The following TBC1D32 variants were observed in gnomAD, a reference collection of about 807,000 sequenced individuals.
TBC1D32 encodes protein broad-minded.
In TBC1D32, 151 loss-of-function variants were observed where a neutral mutation model predicts 170.3. The ratio of observed to expected loss-of-function variants is 0.89; its 90% confidence interval spans 0.78 to 1.01. TBC1D32 has a LOEUF of 1.01. TBC1D32 is among the 50% of genes least tolerant of loss of function. The pLI, the probability that TBC1D32 is intolerant of heterozygous loss-of-function variation, is 0.00. For synonymous variants in TBC1D32, 498 were observed against 488.0 expected (o/e 1.02, Z -0.27); for missense variants, 1,464 against 1,457.1 (o/e 1.00, Z -0.08).
chr6:121,296,644 C>T lies in TBC1D32; in HGVS notation c.1141-1984G>A, dbSNP rs544802121. ...CCATTTATCCCAATTCTGTCTTATC[C>T]TTCTTCCATGGTTCCATCATCTTTT... On this transcript the variant is annotated intron_variant, in intron 10 of 31. Transcript: ENST00000398212. 8.5e-5 allele frequency among the ~76,000 whole-genome samples: 13 copies of T among 152,156 alleles called. 1 individual carries two copies. The East Asian group carries it at 2.1e-3, about 25-fold the overall frequency.
At chr6:121,159,341 A>G (rs1024871420) in intron 24 of TBC1D32, among the ~76,000 whole-genome samples, 1 of 152,218 alleles carries the variant, frequency 6.6e-6, no homozygotes, top group African/African-American at 2.4e-5. Flanking sequence ...AGCACATAGC[A>G]GTTACTAAAA....
intron 21 of TBC1D32, among the ~76,000 whole-genome samples, chr6:121,215,886 C>CT (rs1793759614): frequency 6.6e-6 from 1 of 152,164 alleles, no homozygotes. Context: ...AAAGAGAACA[C>CT]TTATGCACTA....
At chr6:121,198,172 C>T (rs1025066545) in intron 22 of TBC1D32, among the ~76,000 whole-genome samples, 12 of 138,192 alleles carry the variant, frequency 8.7e-5, no homozygotes, top group Non-Finnish European at 1.1e-4. Flanking sequence ...AATATATATA[C>T]ACATATCCCT....
intron 16 of TBC1D32, 143 bp downstream of exon 16, chr6:121,255,941 A>G: frequency 8.4e-6 from 6 of 711,642 alleles, no homozygotes; most frequent in Non-Finnish European, 1.4e-5. Flanking sequence ...ATTAAGATGC[A>G]TTATGTCCCC....
At chr6:121,250,765 G>A (rs1056528989) in intron 17 of TBC1D32, among the ~76,000 whole-genome samples, 3 of 152,044 alleles carry the variant, frequency 2.0e-5, no homozygotes, top group Non-Finnish European at 4.4e-5. Flanking sequence ...AGAAATAAAA[G>A]GTATTCAAAT....
At chr6:121,215,809 C>T (rs1328616039) in intron 21 of TBC1D32, among the ~76,000 whole-genome samples, 1 of 152,186 alleles carries the variant, frequency 6.6e-6, no homozygotes, top group Non-Finnish European at 1.5e-5. Context: ...GATGCCATCT[C>T]ACACCAGTCA....
intron 30 of TBC1D32, among the ~76,000 whole-genome samples, chr6:121,093,320 G>A (rs1032107052): frequency 1.3e-5 from 2 of 152,066 alleles, no homozygotes; most frequent in African/African-American, 4.8e-5. Context: ...TCTCGACTAG[G>A]CAGACTGAAG....
chr6:121,263,722 AGAAAT>A (rs1800077869), intron 15 of TBC1D32, among the ~76,000 whole-genome samples: 1 of 152,232 alleles, frequency 6.6e-6, no homozygotes, highest in South Asian at 2.1e-4. Flanking sequence ...CAAATGCAAA[AGAAAT>A]GAAATCATTA....
intron 14 of TBC1D32, among the ~76,000 whole-genome samples, chr6:121,279,451 C>A (rs778579856): frequency 8.6e-4 from 131 of 152,048 alleles, no homozygotes; most frequent in Middle Eastern, 3.4e-3. Context: ...ACTGATGAAG[C>A]AAATAAATAC....
intron 15 of TBC1D32, among the ~76,000 whole-genome samples, chr6:121,268,613 A>C (rs1800886387): frequency 6.6e-6 from 1 of 152,182 alleles, no homozygotes; most frequent in African/African-American, 2.4e-5. Flanking sequence ...GGACTACGTG[A>C]AAAGACCAAA....
At chr6:121,176,310 G>A (rs1309585732) in intron 22 of TBC1D32, among the ~76,000 whole-genome samples, 4 of 152,184 alleles carry the variant, frequency 2.6e-5, no homozygotes, top group Admixed American at 2.0e-4. Flanking sequence ...AGGTGTTCCA[G>A]GTACAGCAAA....
intron 15 of TBC1D32, among the ~76,000 whole-genome samples, chr6:121,262,325 A>C (rs1203556961): frequency 6.6e-6 from 1 of 152,154 alleles, no homozygotes; most frequent in Non-Finnish European, 1.5e-5. Flanking sequence ...ACACATAATC[A>C]TCAGATTCTC....
rs72961331 is a variant in TBC1D32 at position 121,188,994 on chromosome 6, A to C, written c.2570+16081T>G. ...AAGCTCTAAACTGTCTTTTTTAAAA[A>C]ATTATTTTCACCTTATTAAATTTTA... On this transcript the variant is annotated intron_variant, in intron 22 of 31. Transcript: ENST00000398212. Among the ~76,000 whole-genome samples, 1,160 of 152,270 alleles carry C rather than the reference A, an allele frequency of 7.6e-3. 4 individuals are homozygous for C. The highest frequency in any genetic ancestry group is 0.048 in the Middle Eastern group (14 of 294).
At chr6:121,319,620 T>C (rs530379875) in intron 2 of TBC1D32, among the ~76,000 whole-genome samples, 34 of 152,304 alleles carry the variant, frequency 2.2e-4, no homozygotes, top group Non-Finnish European at 4.0e-4. Flanking sequence ...CTTAATGATA[T>C]ACAGGGTAGG....
intron 17 of TBC1D32, among the ~76,000 whole-genome samples, chr6:121,248,164 G>A (rs1432514365): frequency 6.6e-6 from 1 of 151,802 alleles, no homozygotes; most frequent in Non-Finnish European, 1.5e-5. Flanking sequence ...ACTCCAAAAG[G>A]AACCCTCAAA....
chr6:121,328,828 T>C (rs1373369351), intron 1 of TBC1D32, among the ~76,000 whole-genome samples: 1 of 152,220 alleles, frequency 6.6e-6, no homozygotes, highest in African/African-American at 2.4e-5. Flanking sequence ...GACATTTTTC[T>C]CACCAAATAT....
At chr6:121,222,209 T>C (rs1025499147) in intron 21 of TBC1D32, among the ~76,000 whole-genome samples, 3 of 152,202 alleles carry the variant, frequency 2.0e-5, no homozygotes, top group Non-Finnish European at 2.9e-5. Context: ...GACGTAATTC[T>C]ATTGCACATT....
intron 20 of TBC1D32, among the ~76,000 whole-genome samples, chr6:121,230,607 C>CT (rs1390087495): frequency 6.6e-6 from 1 of 150,920 alleles, no homozygotes; most frequent in Non-Finnish European, 1.5e-5. Flanking sequence ...TTCTTTTTTA[C>CT]TGGTAAATGT....
At chr6:121,104,698 C>T (rs1207087368) in intron 30 of TBC1D32, among the ~76,000 whole-genome samples, 2 of 151,672 alleles carry the variant, frequency 1.3e-5, no homozygotes, top group African/African-American at 4.8e-5. Flanking sequence ...AAACTACACT[C>T]ACTGGCAATA....
Sources: gnomAD v4.1 joint callset for allele counts (sites outside exome capture counted in the v4.1 genomes callset) on GRCh38, gnomAD v4.1.1 for gene constraint, MANE v1.5 for transcripts, NCBI Gene and HGNC (gene_info 2026-07-23, HGNC 2026-07-21) for gene names.